The following GRM1 variants were observed in gnomAD, a reference collection of about 807,000 sequenced individuals.
The protein encoded by GRM1 is metabotropic glutamate receptor 1.
Under a neutral mutation model 90.9 loss-of-function variants are expected in GRM1, and 33 were observed. The observed-to-expected ratio is 0.36, with a 90% confidence interval of 0.28 to 0.49. GRM1 has a LOEUF of 0.49. Among genes scored for constraint, GRM1 ranks in the 20% least tolerant of loss-of-function variants. The pLI is 0.99. For missense variants in GRM1, 1,190 were observed against 1,534.3 expected, an observed-to-expected ratio of 0.78 and a Z score of 3.75; for synonymous variants, 700 against 613.2, an observed-to-expected ratio of 1.14 and a Z score of -2.09.
At chr6:146,159,678 T>G (rs1448858921) in intron 2 of GRM1, 81 bp downstream of exon 2, 1 of 1,405,430 alleles carries the variant, frequency 7.1e-7, no homozygotes, top group Non-Finnish European at 9.8e-7. Flanking sequence ...TTGAAACACA[T>G]ATGCTTGCTT....
intron 2 of GRM1, among the ~76,000 whole-genome samples, chr6:146,202,933 C>T (rs1176366370): frequency 6.6e-5 from 10 of 152,098 alleles, no homozygotes; most frequent in Non-Finnish European, 1.5e-4. Flanking sequence ...CGGTGGCTCA[C>T]GTTTGTAATC....
chr6:146,255,753 G>T (rs893076545), intron 2 of GRM1, among the ~76,000 whole-genome samples: 1 of 151,968 alleles, frequency 6.6e-6, no homozygotes, highest in African/African-American at 2.4e-5. Flanking sequence ...CAACTTTCCT[G>T]TTCCCACAAG....
chr6:146,034,672 G>A (rs760928808), intron 1 of GRM1, among the ~76,000 whole-genome samples: 72 of 151,880 alleles, frequency 4.7e-4, no homozygotes, highest in Non-Finnish European at 8.5e-4. Context: ...AATAAGATAA[G>A]GGTCGAAAGT....
At chr6:146,330,128 A>C (rs1784536939) in intron 3 of GRM1, among the ~76,000 whole-genome samples, 1 of 152,202 alleles carries the variant, frequency 6.6e-6, no homozygotes, top group Non-Finnish European at 1.5e-5. Flanking sequence ...AATGGCAGAA[A>C]AGGTGACTGT....
At chr6:146,090,483 G>A (rs1443396289) in intron 1 of GRM1, among the ~76,000 whole-genome samples, 1 of 152,114 alleles carries the variant, frequency 6.6e-6, no homozygotes, top group Non-Finnish European at 1.5e-5. Context: ...CTAAGCTTGA[G>A]CTTCTCATAA....
intron 7 of GRM1, among the ~76,000 whole-genome samples, chr6:146,408,463 T>C (rs1777437737): frequency 6.6e-6 from 1 of 152,116 alleles, no homozygotes; most frequent in African/African-American, 2.4e-5. Context: ...AATGAGAAAA[T>C]TTGTATAAAG....
In GRM1 at chr6:146,399,769, CTCTCTT is replaced by C. The variant is rs1445272026; in HGVS notation, c.2660+76_2660+81del. 9.5e-7 allele frequency: 1 copy of C among 1,052,452 alleles called. No individual in the cohort carries two copies. The highest frequency in any genetic ancestry group is 1.4e-6 in the Non-Finnish European group (1 of 706,280). 65.2% of individuals were successfully genotyped at this position (1,052,452 alleles called of 1,614,324 possible). ...TGTCTCTTTCTCTCTCTCTCTCTCTCTCTCTTTCTCTGTCTCTCATATCTTCCTCTA... is the reference window on the plus strand; with the variant it reads ...TGTCTCTTTCTCTCTCTCTCTCTCTCTCTCTGTCTCTCATATCTTCCTCTA... On this transcript the variant is annotated intron_variant, in intron 7 of 7. Transcript: ENST00000282753. This position sits in a 1 kb window ranked among gnomAD's most constrained non-coding sequence, Gnocchi z 5.4.
intron 2 of GRM1, among the ~76,000 whole-genome samples, chr6:146,294,177 T>C (rs1783094400): frequency 1.3e-5 from 2 of 151,880 alleles, no homozygotes; most frequent in African/African-American, 4.8e-5. Context: ...AGCTCATTTA[T>C]TTTCAGCTTT....
At chr6:146,178,111 C>T (rs1778400868) in intron 2 of GRM1, among the ~76,000 whole-genome samples, 1 of 152,118 alleles carries the variant, frequency 6.6e-6, no homozygotes, top group Non-Finnish European at 1.5e-5. Context: ...ACTTACTGTC[C>T]ATTTTCTGTT....
intron 1 of GRM1, among the ~76,000 whole-genome samples, chr6:146,157,826 T>C (rs989248420): frequency 1.3e-5 from 2 of 152,244 alleles, no homozygotes; most frequent in South Asian, 4.2e-4. Flanking sequence ...ATAGATGTTG[T>C]AGTGGGAGGC....
chr6:146,314,051 C>CTTTTTTTTTTTTTTTTTT (rs552986343), intron 3 of GRM1, among the ~76,000 whole-genome samples: 2 of 61,960 alleles, frequency 3.2e-5, no homozygotes, highest in African/African-American at 7.8e-5. Flanking sequence ...TAGTTAATTC[C>CTTTTTTTTTTTTTTTTTT]TTTTTTTTTT....
At chr6:146,056,284 G>C (rs1420879600) in intron 1 of GRM1, among the ~76,000 whole-genome samples, 3 of 152,144 alleles carry the variant, frequency 2.0e-5, no homozygotes, top group African/African-American at 7.2e-5. Flanking sequence ...AAGAACCTGA[G>C]TGAGTGGGAA....
chr6:146,086,964 AT>A (rs1162730981), intron 1 of GRM1, among the ~76,000 whole-genome samples: 1 of 152,084 alleles, frequency 6.6e-6, no homozygotes, highest in Admixed American at 6.6e-5. Context: ...CTAAGTGCAG[AT>A]TTCCCCCCTT....
intron 2 of GRM1, among the ~76,000 whole-genome samples, chr6:146,213,580 T>G (rs1232854804): frequency 6.6e-6 from 1 of 152,186 alleles, no homozygotes; most frequent in Non-Finnish European, 1.5e-5. Flanking sequence ...GATTTATTAA[T>G]GTATTCTTTC....
chr6:146,219,525 T>C (rs1385517323), intron 2 of GRM1, among the ~76,000 whole-genome samples: 1 of 151,830 alleles, frequency 6.6e-6, no homozygotes, highest in Non-Finnish European at 1.5e-5. Context: ...AATCAGTTAA[T>C]GGATGTCAAC....
intron 7 of GRM1, among the ~76,000 whole-genome samples, chr6:146,416,610 A>T (rs1030738468): frequency 6.6e-6 from 1 of 152,170 alleles, no homozygotes; most frequent in Non-Finnish European, 1.5e-5. Context: ...TGCATAATCA[A>T]TATCTATGTA....
At chr6:146,431,368 A>G (rs2114689799) in intron 7 of GRM1, among the ~76,000 whole-genome samples, 1 of 152,332 alleles carries the variant, frequency 6.6e-6, no homozygotes, top group Non-Finnish European at 1.5e-5. Context: ...CTGTTAACTT[A>G]TGGGTGCTTT....
intron 2 of GRM1, among the ~76,000 whole-genome samples, chr6:146,227,654 C>A (rs1780290435): frequency 6.6e-6 from 1 of 152,128 alleles, no homozygotes; most frequent in African/African-American, 2.4e-5. Flanking sequence ...ATGGACCAAT[C>A]TCAGTAATAA....
chr6:146,091,054 T>G (rs562931992), intron 1 of GRM1, among the ~76,000 whole-genome samples: 1 of 152,034 alleles, frequency 6.6e-6, no homozygotes, highest in South Asian at 2.1e-4. Flanking sequence ...TCTATTCTGC[T>G]CCCCCAACCT....
Sources: allele counts gnomAD v4.1 joint callset (sites outside exome capture counted in the v4.1 genomes callset), GRCh38; gene constraint gnomAD v4.1.1; non-coding constraint Gnocchi (gnomAD v3.1); transcripts MANE v1.5; gene names NCBI Gene and HGNC (gene_info 2026-07-23, HGNC 2026-07-21).